Variants in PRELID2 observed in about 807,000 individuals in gnomAD.
PRELID2 encodes PRELI domain-containing protein 2.
PRELID2 carries 25 observed loss-of-function variants against 28.4 expected under a neutral mutation model. The observed-to-expected ratio is 0.88, with a 90% confidence interval of 0.64 to 1.23. The LOEUF is 1.23. Ranked by LOEUF, PRELID2 falls within the 50% of genes most tolerant of loss-of-function variation. The probability of loss-of-function intolerance (pLI) is 0.00; values close to 1 mark genes in which losing one functional copy is unlikely to be tolerated. For missense variants in PRELID2, 201 were observed against 214.4 expected (o/e 0.94, Z 0.39); for synonymous variants, 76 against 71.6 (o/e 1.06, Z -0.31).
At chr5:145,603,670 C>G (rs1259107930) in intron 1 of PRELID2, among the ~76,000 whole-genome samples, 1 of 151,946 alleles carries the variant, frequency 6.6e-6, no homozygotes, top group East Asian at 1.9e-4. Context: ...TAAGTATTGA[C>G]TTTTAAAAAT....
the PRELID2 span, among the ~76,000 whole-genome samples, chr5:145,419,730 T>C: frequency 4.6e-5 from 7 of 152,138 alleles, no homozygotes; most frequent in African/African-American, 1.4e-4. Context: ...AGCTCTTTAG[T>C]TTAATTAGAT....
chr5:145,361,486 G>T, the PRELID2 span, among the ~76,000 whole-genome samples: 2 of 152,144 alleles, frequency 1.3e-5, no homozygotes, highest in East Asian at 3.9e-4. Flanking sequence ...CAGCAATACA[G>T]CTCTGGTCCC....
At chr5:145,482,353 C>A (rs1460323431) in intron 1 of PRELID2, among the ~76,000 whole-genome samples, 3 of 152,164 alleles carry the variant, frequency 2.0e-5, no homozygotes, top group Non-Finnish European at 4.4e-5. Context: ...GTGCTACAAG[C>A]TTTAAGGTGA....
chr5:145,296,762 G>C, the PRELID2 span, among the ~76,000 whole-genome samples: 12,360 of 151,924 alleles, frequency 0.081, 932 homozygotes, highest in African/African-American at 0.21. Flanking sequence ...CTGAGGAATC[G>C]CCACACTGAC....
intron 3 of PRELID2, 79 bp from the exon 4 acceptor site, chr5:145,818,133 G>T: frequency 6.9e-7 from 1 of 1,458,002 alleles, no homozygotes. Flanking sequence ...GTTACTCTCA[G>T]TCTTGGATAA....
the PRELID2 span, among the ~76,000 whole-genome samples, chr5:145,402,463 T>C: frequency 6.6e-6 from 1 of 152,140 alleles, no homozygotes. Context: ...AGGGACACAT[T>C]ATAGATTTGG....
chr5:145,529,494 C>T, intron 1 of PRELID2, among the ~76,000 whole-genome samples: 1 of 152,116 alleles, frequency 6.6e-6, no homozygotes. Flanking sequence ...TACATTATCC[C>T]ATTTGAATTA....
intron 1 of PRELID2, chr5:145,826,181 C>T: frequency 1.0e-6 from 1 of 985,354 alleles, no homozygotes; most frequent in Non-Finnish European, 1.2e-6. Flanking sequence ...CTCATTCAGT[C>T]CTTCTCAAAG....
chr5:145,314,405 CAGAA>C, the PRELID2 span, among the ~76,000 whole-genome samples: 1 of 152,022 alleles, frequency 6.6e-6, no homozygotes, highest in South Asian at 2.1e-4. Flanking sequence ...GAGGGGAAAA[CAGAA>C]AGAGCAAAGT....
At chr5:145,572,726 C>T (rs1421864600) in intron 1 of PRELID2, among the ~76,000 whole-genome samples, 1 of 152,126 alleles carries the variant, frequency 6.6e-6, no homozygotes, top group African/African-American at 2.4e-5. Context: ...CATCCCTGTA[C>T]CTGCCTCCTT....
At chr5:145,376,291 T>C in the PRELID2 span, among the ~76,000 whole-genome samples, 2 of 152,204 alleles carry the variant, frequency 1.3e-5, no homozygotes, top group Admixed American at 1.3e-4. Context: ...CTGGATTTAG[T>C]TTGCCAGTAT....
chr5:145,771,189 C>T (rs1443011440), intron 5 of PRELID2, among the ~76,000 whole-genome samples: 1 of 151,922 alleles, frequency 6.6e-6, no homozygotes, highest in African/African-American at 2.4e-5. Context: ...TTTGGATACA[C>T]AAATAGTTAT....
intron 1 of PRELID2, among the ~76,000 whole-genome samples, chr5:145,749,336 T>C (rs1757072078): frequency 6.6e-6 from 1 of 152,100 alleles, no homozygotes; most frequent in Non-Finnish European, 1.5e-5. Context: ...AAAGAAGACA[T>C]TTATGCAGCC....
intron 1 of PRELID2, among the ~76,000 whole-genome samples, chr5:145,658,558 T>G (rs1207425059): frequency 1.3e-5 from 2 of 152,294 alleles, no homozygotes; most frequent in Non-Finnish European, 1.5e-5. Flanking sequence ...TTAGTTCACA[T>G]GAGATCTGGT....
chr5:145,703,685 C>A (rs1332269665), intron 1 of PRELID2, among the ~76,000 whole-genome samples: 1 of 152,064 alleles, frequency 6.6e-6, no homozygotes, highest in African/African-American at 2.4e-5. Flanking sequence ...CAACTCCACA[C>A]CAAAATCATA....
At chr5:145,278,240 T>C in the PRELID2 span, among the ~76,000 whole-genome samples, 1 of 152,198 alleles carries the variant, frequency 6.6e-6, no homozygotes, top group Non-Finnish European at 1.5e-5. Flanking sequence ...ATTAGTTATC[T>C]ATTGCTGTGT....
At chr5:145,810,963 A>C (rs532167248) in intron 4 of PRELID2, among the ~76,000 whole-genome samples, 6 of 151,930 alleles carry the variant, frequency 3.9e-5, no homozygotes, top group Admixed American at 2.6e-4. Context: ...TGATAAAGAC[A>C]TACCTGAGAC....
At chr5:145,537,041 A>G (rs1752705603) in intron 1 of PRELID2, among the ~76,000 whole-genome samples, 1 of 151,966 alleles carries the variant, frequency 6.6e-6, no homozygotes, top group Non-Finnish European at 1.5e-5. Flanking sequence ...AAACAAAGAG[A>G]AGTTTAAAAA....
the PRELID2 span, among the ~76,000 whole-genome samples, chr5:145,352,020 T>C: frequency 5.3e-5 from 8 of 152,178 alleles, no homozygotes; most frequent in Non-Finnish European, 1.0e-4. Context: ...AACCCCCGTC[T>C]CAGGTGCTTT....
Sources: allele counts gnomAD v4.1 joint callset (sites outside exome capture counted in the v4.1 genomes callset), GRCh38; gene constraint gnomAD v4.1.1; transcripts MANE v1.5; gene names NCBI Gene and HGNC (gene_info 2026-07-23, HGNC 2026-07-21).